Variants in CACNA1S observed in about 807,000 individuals in gnomAD.
CACNA1S encodes calcium voltage-gated channel subunit alpha1 S, also known as voltage-dependent L-type calcium channel subunit alpha-1S.
CACNA1S carries 126 observed loss-of-function variants against 207.4 expected under a neutral mutation model. That is an observed-to-expected ratio of 0.61 (90% confidence interval 0.53 to 0.70). The LOEUF (loss-of-function observed/expected upper bound fraction) is 0.70, where lower values mean the gene tolerates loss of function less well. Ranked by LOEUF, CACNA1S falls within the 30% of genes least tolerant of loss-of-function variation. The pLI is 0.00. For missense variants in CACNA1S, 2,349 were observed against 2,422.8 expected, an observed-to-expected ratio of 0.97 and a Z score of 0.64; for synonymous variants, 960 against 932.7, an observed-to-expected ratio of 1.03 and a Z score of -0.53.
chr1:201,095,086 T>C (rs1662369795), intron 2 of CACNA1S, among the ~76,000 whole-genome samples: 1 of 151,650 alleles, frequency 6.6e-6, no homozygotes, highest in Non-Finnish European at 1.5e-5. Flanking sequence ...CAGCCTGCAG[T>C]CTAGGCCAGC....
intron 7 of CACNA1S, 128 bp from the exon 8 acceptor site, chr1:201,085,709 T>C: frequency 2.9e-6 from 3 of 1,051,896 alleles, no homozygotes; most frequent in Non-Finnish European, 4.2e-6. Context: ...CCCGGGGTGT[T>C]GCCTGGGGTC....
chr1:201,068,477 A>T (rs1052245974), intron 19 of CACNA1S, among the ~76,000 whole-genome samples: 11 of 149,946 alleles, frequency 7.3e-5, no homozygotes. Flanking sequence ...TCTTGACCTC[A>T]GGTGATCCGC....
At chr1:201,071,536 T>C (rs964246181) in intron 16 of CACNA1S, among the ~76,000 whole-genome samples, 5 of 152,316 alleles carry the variant, frequency 3.3e-5, no homozygotes, top group Non-Finnish European at 5.9e-5. Flanking sequence ...CTGTAAGCCA[T>C]TTCAAACTAT....
At chr1:201,101,626 C>T (rs1038365070) in intron 2 of CACNA1S, among the ~76,000 whole-genome samples, 3 of 152,132 alleles carry the variant, frequency 2.0e-5, no homozygotes, top group Non-Finnish European at 1.5e-5. Context: ...CTTTCAGGGC[C>T]GAGGCACACA....
chr1:201,087,602 G>A lies in CACNA1S; in HGVS notation c.1004+224C>T, dbSNP rs561008460. Among the ~76,000 whole-genome samples the A allele has an allele frequency of 4.3e-4, 65 of 152,092 alleles. No homozygotes were observed. In the South Asian group the frequency reaches 0.013, roughly 29 times the overall value. ...TCTTCCTGCTCACCAGGAAGGAAGC[G>A]CTCTTGGCCCAACTGAGATGACAGG... is the stretch of plus-strand genomic sequence containing the variant. On this transcript the variant is annotated intron_variant, in intron 7 of 43. Coordinates refer to ENST00000362061, the MANE Select transcript of CACNA1S (RefSeq NM_000069.3).
At chr1:201,077,533 G>A (rs991484782) in intron 11 of CACNA1S, among the ~76,000 whole-genome samples, 1 of 152,010 alleles carries the variant, frequency 6.6e-6, no homozygotes, top group African/African-American at 2.4e-5. Context: ...GATAGTCTGT[G>A]TTCCTCCTTC....
rs115389013 is a variant in CACNA1S, at chr1:201,047,778, G to T, written c.4442-152C>A. ...AGCTGCCTTGCTGGGTACTGGCAAT[G>T]GTGGGAGGGCATCACTGTCCCCCTG... On this transcript the variant is annotated intron_variant, in intron 36 of 43. Coordinates refer to ENST00000362061, the MANE Select transcript of CACNA1S (RefSeq NM_000069.3). 289 of 705,456 alleles carry T rather than the reference G, an allele frequency of 4.1e-4. 1 individual carries two copies. In the African/African-American group the frequency reaches 4.4e-3, roughly 11 times the overall value. 43.7% of individuals were successfully genotyped at this position (705,456 alleles called of 1,614,324 possible).
chr1:201,083,013 A>C, intron 10 of CACNA1S, 149 bp downstream of exon 10: 1 of 849,422 alleles, frequency 1.2e-6, no homozygotes, highest in Non-Finnish European at 1.9e-6. Context: ...AGGTCATATA[A>C]TCCAGCACTC....
At chr1:201,070,540 C>A in intron 16 of CACNA1S, 136 bp from the exon 17 acceptor site, 1 of 1,186,264 alleles carries the variant, frequency 8.4e-7, no homozygotes, top group Non-Finnish European at 1.2e-6. Flanking sequence ...GACCCTAGGG[C>A]TTTGGCAGAG....
At position 201,089,362 on chromosome 1, in the gene CACNA1S, G is replaced by A; in HGVS notation, c.796C>T (p.Pro266Ser). 6.2e-7 allele frequency: 1 copy of A among 1,614,204 alleles called. No individual in the cohort carries two copies. The highest frequency in any genetic ancestry group is 8.5e-7 in the Non-Finnish European group (1 of 1,180,032). Reference protein sequence around the residue: ...INGSECRGGWPGPNHGITHFD... With the variant: ...INGSECRGGWSGPNHGITHFD... ...TGGGTGATGCCATGGTTGGGCCCTG[G>A]CCAGCCGCCCCGGCACTCACTGCCA... is the stretch of plus-strand genomic sequence containing the variant. Residue 266 changes from proline (P) to serine (S), a missense_variant, in exon 6 of 44, where the codon CCA (proline) becomes TCA (serine). Physicochemically the swap from Pro to Ser is moderately conservative, Grantham distance 74. Coordinates refer to ENST00000362061, the MANE Select transcript of CACNA1S (RefSeq NM_000069.3).
At chr1:201,041,433 GAA>G in intron 41 of CACNA1S, 69 bp downstream of exon 41, 2 of 1,218,622 alleles carry the variant, frequency 1.6e-6, no homozygotes, top group Non-Finnish European at 2.4e-6. Flanking sequence ...CAGACTCTAA[GAA>G]AAGAGTGGGG....
At chr1:201,088,038 C>T in intron 6 of CACNA1S, 109 bp from the exon 7 acceptor site, 1 of 759,736 alleles carries the variant, frequency 1.3e-6, no homozygotes, top group Non-Finnish European at 2.3e-6. Context: ...AGAAGCCACG[C>T]TGGGATATTG....
In CACNA1S at chr1:201,039,690, G is replaced by A. The variant is rs900405238; in HGVS notation, c.*141C>T. ...CTCCGCACTTTTTGAGGTGGTTCCT[G>A]ACCACCCTGCCTCAGGCCATGCATC... On this transcript the variant is annotated 3_prime_UTR_variant, in exon 44 of 44. Coordinates refer to ENST00000362061, the MANE Select transcript of CACNA1S (RefSeq NM_000069.3). 6 of 1,172,554 alleles carry A rather than the reference G, an allele frequency of 5.1e-6. No homozygotes were observed. In the Admixed American group the frequency reaches 7.7e-5, roughly 15 times the overall value. The allele number at this position is 1,172,554 out of a possible 1,614,324, so 72.6% of individuals were successfully genotyped here. A position where few individuals can be genotyped will look rare whatever the true frequency, so the allele number is the denominator to read the frequency against.
intron 22 of CACNA1S, among the ~76,000 whole-genome samples, chr1:201,063,535 C>T (rs1445369710): frequency 2.0e-5 from 3 of 152,076 alleles, no homozygotes; most frequent in African/African-American, 4.8e-5. Flanking sequence ...GTGATCCGCC[C>T]GCCTCGGCTT....
At chr1:201,100,814 A>G (rs1662625020) in intron 2 of CACNA1S, among the ~76,000 whole-genome samples, 1 of 152,176 alleles carries the variant, frequency 6.6e-6, no homozygotes, top group Non-Finnish European at 1.5e-5. Flanking sequence ...TATTCTGGCC[A>G]CATGCATACA....
At chr1:201,107,682 A>G (rs1662947733) in intron 2 of CACNA1S, among the ~76,000 whole-genome samples, 1 of 152,192 alleles carries the variant, frequency 6.6e-6, no homozygotes, top group Non-Finnish European at 1.5e-5. Flanking sequence ...AAAGCAGCCA[A>G]TAGGGCAAGA....
rs143803087 is a variant in CACNA1S at position 201,046,616 on chromosome 1, C to G, written c.4668+499G>C. On this transcript the variant is annotated intron_variant, in intron 38 of 43. Coordinates refer to ENST00000362061, the MANE Select transcript of CACNA1S (RefSeq NM_000069.3). ...GAGGTTCAGTGTCTCAATCTCGGTTCACTGCAACCTCCGCTTCCAGGGTCA... is the reference window on the plus strand; with the variant it reads ...GAGGTTCAGTGTCTCAATCTCGGTTGACTGCAACCTCCGCTTCCAGGGTCA... Among the ~76,000 whole-genome samples, 186 of 152,096 alleles carry G rather than the reference C, an allele frequency of 1.2e-3. 1 individual carries two copies. Among genetic ancestry groups the G allele is most frequent in the Middle Eastern group, 0.01 (3 of 294 alleles).
At chr1:201,107,904 A>G (rs1164100508) in intron 2 of CACNA1S, among the ~76,000 whole-genome samples, 1 of 152,162 alleles carries the variant, frequency 6.6e-6, no homozygotes, top group Non-Finnish European at 1.5e-5. Flanking sequence ...GCCAGGTGGC[A>G]TTTGCTGCTT....
chr1:201,063,448 C>A (rs1365868235), intron 22 of CACNA1S, among the ~76,000 whole-genome samples: 1 of 152,076 alleles, frequency 6.6e-6, no homozygotes, highest in East Asian at 1.9e-4. Context: ...TGCCATCATG[C>A]CCAGCTAATT....
Sources: allele counts gnomAD v4.1 joint callset (sites outside exome capture counted in the v4.1 genomes callset), GRCh38; gene constraint gnomAD v4.1.1; transcripts MANE v1.5; gene names NCBI Gene and HGNC (gene_info 2026-07-23, HGNC 2026-07-21).